Variants in ADGRV1 observed in about 807,000 individuals in gnomAD.
The protein encoded by ADGRV1 is G-protein coupled receptor 98.
ADGRV1 carries 359 observed loss-of-function variants against 596.2 expected under a neutral mutation model. That is an observed-to-expected ratio of 0.60 (90% CI 0.55 to 0.66). ADGRV1 has a LOEUF of 0.66. Among genes scored for constraint, ADGRV1 ranks in the 30% least tolerant of loss-of-function variants. ADGRV1 has a pLI of 0.00. For synonymous variants in ADGRV1, 2,681 were observed against 2,679.2 expected (o/e 1.00, Z -0.02); for missense variants, 7,274 against 7,575.6 (o/e 0.96, Z 1.48).
chr5:90,627,222 T>C lies in ADGRV1; in HGVS notation c.684T>C (p.Asn228=), dbSNP rs181889432. Residue 228 remains asparagine, a synonymous_variant, in exon 7 of 90, where the codon AAT becomes AAC. Transcript: ENST00000405460. Reference sequence around the variant, plus strand: ...TATTCCTTTAACAGGTACCAGAAAATGATGAAATATTTTTAATTCAACTGA... The same window carrying C: ...TATTCCTTTAACAGGTACCAGAAAACGATGAAATATTTTTAATTCAACTGA... The part of the protein sequence containing the change: ...LTVLDDEVPE[N]DEIFLIQLKS... 1.0e-4 allele frequency: 156 copies of C among 1,525,050 alleles called. No individual in the cohort carries two copies. In the African/African-American group the frequency reaches 1.7e-3, roughly 16 times the overall value. The allele number at this position is 1,525,050 out of a possible 1,614,324, so 94.5% of individuals were successfully genotyped here.
chr5:90,674,276 G>T, intron 23 of ADGRV1, 42 bp downstream of exon 23: 1 of 1,467,774 alleles, frequency 6.8e-7, no homozygotes, highest in Non-Finnish European at 9.1e-7. Flanking sequence ...TCTTCTCTGG[G>T]TGTACTTAGT....
chr5:90,610,183 A>G (rs1762572092), intron 1 of ADGRV1, among the ~76,000 whole-genome samples: 1 of 151,986 alleles, frequency 6.6e-6, no homozygotes, highest in African/African-American at 2.4e-5. Flanking sequence ...ACTGTCCTAG[A>G]TAAACAGGAT....
intron 27 of ADGRV1, 107 bp downstream of exon 27, chr5:90,681,561 G>T: frequency 9.1e-7 from 1 of 1,097,502 alleles, no homozygotes; most frequent in Non-Finnish European, 1.3e-6. Flanking sequence ...GTAGGCTGAG[G>T]GGAATGAGCC....
intron 28 of ADGRV1, among the ~76,000 whole-genome samples, chr5:90,685,466 T>C (rs1745482952): frequency 6.6e-6 from 1 of 151,898 alleles, no homozygotes; most frequent in South Asian, 2.1e-4. Flanking sequence ...GTGCCTGTAG[T>C]CCCAGCTACT....
chr5:90,953,463 A>G (rs1252467464), intron 83 of ADGRV1, among the ~76,000 whole-genome samples: 1 of 152,140 alleles, frequency 6.6e-6, no homozygotes, highest in Non-Finnish European at 1.5e-5. Context: ...ACAGTTCTGG[A>G]ATTTATATGC....
At chr5:90,689,663 A>G (rs1235906811) in intron 29 of ADGRV1, among the ~76,000 whole-genome samples, 198 bp from the exon 30 acceptor site, 1 of 152,024 alleles carries the variant, frequency 6.6e-6, no homozygotes, top group Non-Finnish European at 1.5e-5. Flanking sequence ...CTTTTTCGTT[A>G]TTTTGTGACA....
chr5:90,796,431 AAAAAAT>A (rs1443137180), intron 70 of ADGRV1, among the ~76,000 whole-genome samples: 1 of 152,154 alleles, frequency 6.6e-6, no homozygotes, highest in Non-Finnish European at 1.5e-5. Context: ...TTAGAGAAAA[AAAAAAT>A]AAAAAGGAAT....
intron 88 of ADGRV1, 69 bp from the exon 89 acceptor site, chr5:91,153,152 T>A (rs1286121542): frequency 2.3e-6 from 3 of 1,311,394 alleles, no homozygotes; most frequent in Admixed American, 4.0e-5. Context: ...ATTGTCCATT[T>A]GGGTTTCATA....
chr5:90,710,975 T>A lies in ADGRV1; in HGVS notation c.8825-6T>A, dbSNP rs747001198. 1.9e-6 allele frequency: 3 copies of A among 1,576,506 alleles called. No individual in the cohort carries two copies. Among genetic ancestry groups the A allele is most frequent in the South Asian group, 1.1e-5 (1 of 88,250 alleles). ...TATTTTAAGATATGCTTCTATGTTTTTTAAGATTCAGAAGGTTTGACTGCA... is the reference window on the plus strand; with the variant it reads ...TATTTTAAGATATGCTTCTATGTTTATTAAGATTCAGAAGGTTTGACTGCA... On this transcript the variant is annotated splice_polypyrimidine_tract_variant and splice_region_variant and intron_variant, in intron 39 of 89. Coordinates refer to ENST00000405460, the MANE Select transcript of ADGRV1 (RefSeq NM_032119.4).
chr5:90,672,589 C>T lies in ADGRV1; in HGVS notation c.4796C>T (p.Thr1599Ile). The T allele has an allele frequency of 1.9e-6, 3 of 1,613,700 alleles. No homozygotes were observed. The highest frequency in any genetic ancestry group is 2.5e-6 in the Non-Finnish European group (3 of 1,179,732). The change falls in exon 22 of 90, where the codon ACC (threonine) becomes ATC (isoleucine). Residue 1599 changes from threonine to isoleucine, a missense_variant. By Grantham distance (89) the Thr-to-Ile change is moderately conservative (BLOSUM62 -1). Around this residue, in one of 5 missense-constraint regions of ADGRV1, gnomAD observed 3,643 missense variants for 3,809.2 expected, o/e 0.96. Coordinates refer to ENST00000405460, the MANE Select transcript of ADGRV1 (RefSeq NM_032119.4). ...ACCATTTCTTGTGTGGTTGAGAGAACCAGAGGAGCTCTGGATTATGTGCAT... is the reference window on the plus strand; with the variant it reads ...ACCATTTCTTGTGTGGTTGAGAGAATCAGAGGAGCTCTGGATTATGTGCAT... ...GSTISCVVER[T>I]RGALDYVHVF...
intron 76 of ADGRV1, among the ~76,000 whole-genome samples, chr5:90,825,412 A>T (rs989168262): frequency 6.6e-6 from 1 of 152,246 alleles, no homozygotes; most frequent in Non-Finnish European, 1.5e-5. Flanking sequence ...TAGTTTATAT[A>T]GACTATAAGA....
At chr5:90,677,198 A>T (rs776452632) in intron 25 of ADGRV1, among the ~76,000 whole-genome samples, 9 of 152,204 alleles carry the variant, frequency 5.9e-5, no homozygotes, top group Non-Finnish European at 1.0e-4. Context: ...AAGCCATCCA[A>T]AGGAAAAATT....
At chr5:91,112,409 C>G (rs142497723) in intron 87 of ADGRV1, among the ~76,000 whole-genome samples, 2 of 152,268 alleles carry the variant, frequency 1.3e-5, no homozygotes, top group Non-Finnish European at 2.9e-5. Context: ...GTGTTAATAA[C>G]ATGCTTTTCC....
chr5:90,720,241 G>C lies in ADGRV1; in HGVS notation c.9623+18G>C, dbSNP rs754942870. The stretch of plus-strand genomic sequence containing the variant: ...GAAAATAGGTATAGTTTATTCATAA[G>C]GAAATTATCACTTCTGAAGCTATAA... On this transcript the variant is annotated intron_variant, in intron 44 of 89. Coordinates refer to ENST00000405460, the MANE Select transcript of ADGRV1 (RefSeq NM_032119.4). 7 of 1,445,012 alleles carry C rather than the reference G, an allele frequency of 4.8e-6. No individual in the cohort carries two copies. In the Middle Eastern group the frequency reaches 5.4e-4, roughly 112 times the overall value. The allele number at this position is 1,445,012 out of a possible 1,614,324, so 89.5% of individuals were successfully genotyped here.
chr5:91,085,696 T>C (rs1789807129), intron 86 of ADGRV1, among the ~76,000 whole-genome samples: 1 of 152,220 alleles, frequency 6.6e-6, no homozygotes, highest in Non-Finnish European at 1.5e-5. Flanking sequence ...ACTTGTTTCA[T>C]TGAATTTTCC....
rs1756212683 is a variant in ADGRV1 at position 90,759,418 on chromosome 5, A to G, written c.11950A>G (p.Met3984Val). ...TTCCTTTCTTTCATAGGTTACTGCA[A>G]TGATAGAAATCACCATAATTGATGA... ...LEFADKQVTA[M>V]IEITIIDDAE... Residue 3984 changes from methionine (M) to valine (V), a missense_variant, in exon 58 of 90, where the codon ATG becomes GTG. Met to Val is a conservative substitution (Grantham distance 21). This residue lies in a region of ADGRV1 where 3,643 missense variants were observed against 3,809.2 expected (regional missense o/e 0.96). Transcript: ENST00000405460. 2.6e-6 allele frequency: 4 copies of G among 1,557,316 alleles called. No homozygotes were observed. Among genetic ancestry groups the G allele is most frequent in the Non-Finnish European group, 2.6e-6 (3 of 1,148,568 alleles).
intron 85 of ADGRV1, among the ~76,000 whole-genome samples, chr5:91,068,807 A>AC (rs200024205): frequency 0.012 from 1,847 of 150,776 alleles, 45 homozygotes; most frequent in African/African-American, 0.043. Context: ...TATGAAACAA[A>AC]AAAAAAAAAA....
At position 91,140,499 on chromosome 5, in the gene ADGRV1, T is replaced by A. The variant is rs187751694; in HGVS notation, c.18433-9531T>A. Among the ~76,000 whole-genome samples the A allele has an allele frequency of 3.1e-4, 47 of 152,336 alleles. 1 individual carries two copies. The highest frequency in any genetic ancestry group is 6.2e-4 in the South Asian group (3 of 4,828). On this transcript the variant is annotated intron_variant, in intron 87 of 89. Transcript: ENST00000405460. ...ACAATTTGGTATTTTTGTAATTTTT[T>A]AAAAAAATTCCTATTGAAAGACAAT...
chr5:90,724,486 C>T (rs1751502210), intron 45 of ADGRV1, among the ~76,000 whole-genome samples: 1 of 152,266 alleles, frequency 6.6e-6, no homozygotes, highest in East Asian at 1.9e-4. Flanking sequence ...ACCTCGGCCT[C>T]CCAAAATTCT....
Sources: allele counts gnomAD v4.1 joint callset (sites outside exome capture counted in the v4.1 genomes callset), GRCh38; gene constraint gnomAD v4.1.1; regional missense constraint gnomAD v4.1.1; transcripts MANE v1.5; gene names NCBI Gene and HGNC (gene_info 2026-07-23, HGNC 2026-07-21).